The following SNTG1 variants were observed in gnomAD, a reference collection of about 807,000 sequenced individuals.
SNTG1 encodes the protein gamma-1-syntrophin.
Under a neutral mutation model 74.7 loss-of-function variants are expected in SNTG1, and 39 were observed. The observed-to-expected ratio is 0.52, with a 90% CI of 0.40 to 0.68. SNTG1 has a LOEUF of 0.68. SNTG1 is among the 30% of genes least tolerant of loss of function. The pLI, the probability that SNTG1 is intolerant of heterozygous loss-of-function variation, is 0.00. For synonymous variants in SNTG1, 254 were observed against 217.1 expected (o/e 1.17, Z -1.49); for missense variants, 685 against 609.5 (o/e 1.12, Z -1.30).
chr8:50,607,033 C>T (rs2094817821), intron 13 of SNTG1, among the ~76,000 whole-genome samples: 1 of 151,926 alleles, frequency 6.6e-6, no homozygotes, highest in East Asian at 1.9e-4. Flanking sequence ...CATTGATATG[C>T]AGATTTCTCT....
intron 3 of SNTG1, among the ~76,000 whole-genome samples, chr8:50,400,045 C>T (rs562288871): frequency 6.6e-6 from 1 of 152,090 alleles, no homozygotes; most frequent in African/African-American, 2.4e-5. Flanking sequence ...CATCAGCACA[C>T]GAGAACAAAA....
intron 12 of SNTG1, among the ~76,000 whole-genome samples, chr8:50,569,635 C>A (rs1041517704): frequency 3.3e-5 from 5 of 152,074 alleles, no homozygotes; most frequent in African/African-American, 1.2e-4. Flanking sequence ...GGAATAAAGA[C>A]TAACAGAAGG....
Position 50,350,955 on chromosome 8 carries a change from G to A in SNTG1, c.-27-43257G>A, listed in dbSNP as rs1197296989. On this transcript the variant is annotated intron_variant, in intron 2 of 18. Transcript: ENST00000642720. The stretch of plus-strand genomic sequence containing the variant: ...GTAGGTCCCCTTGGAGGCTGTGGAA[G>A]CTTTGTTCTTTCGCTCTTTGCAATA... 2.0e-5 allele frequency among the ~76,000 whole-genome samples: 3 copies of A among 152,208 alleles called. No homozygotes were observed. In the East Asian group the frequency reaches 5.8e-4, roughly 29 times the overall value.
chr8:50,201,493 A>G (rs891294304), intron 2 of SNTG1, among the ~76,000 whole-genome samples: 5 of 152,166 alleles, frequency 3.3e-5, no homozygotes, highest in African/African-American at 1.2e-4. Context: ...ACTAAAGTCC[A>G]TGGCACATTT....
At chr8:50,546,558 G>T (rs955491940) in intron 11 of SNTG1, among the ~76,000 whole-genome samples, 8 of 118,036 alleles carry the variant, frequency 6.8e-5, no homozygotes, top group African/African-American at 2.3e-4. Flanking sequence ...ACAGTCCCCA[G>T]TGTGTGATGT....
intron 2 of SNTG1, among the ~76,000 whole-genome samples, chr8:50,230,597 T>A (rs774091607): frequency 1.3e-5 from 2 of 151,356 alleles, no homozygotes; most frequent in East Asian, 1.9e-4. Context: ...TAGGACAAGA[T>A]CGTTTCATTT....
rs182067207 is a variant in SNTG1 at position 50,593,220 on chromosome 8, A to G, written c.849+2303A>G. Among the ~76,000 whole-genome samples the G allele has an allele frequency of 2.8e-4, 42 of 152,310 alleles. 2 individuals carry two copies. Among genetic ancestry groups the G allele is most frequent in the Admixed American group, 2.0e-4 (3 of 15,300 alleles). On this transcript the variant is annotated intron_variant, in intron 13 of 18. Transcript: ENST00000642720. ...TACCCTAACCAGAGAAATTAAAATG[A>G]AAGCAAAACATAGGGAGAAAGCCAC...
rs142711220 is a variant in SNTG1 at position 50,528,282 on chromosome 8, G to T, written c.467-1895G>T. Among the ~76,000 whole-genome samples, 275 of 152,020 alleles carry T rather than the reference G, an allele frequency of 1.8e-3. 4 individuals are homozygous for T. The highest frequency in any genetic ancestry group is 6.3e-3 in the African/African-American group (260 of 41,560). ...AGGGTATCGGATATAGGTTTTTAAAGATGTTCTTTATCAGATAGAGGAGCA... is the reference window on the plus strand; with the variant it reads ...AGGGTATCGGATATAGGTTTTTAAATATGTTCTTTATCAGATAGAGGAGCA... On this transcript the variant is annotated intron_variant, in intron 9 of 18. Transcript: ENST00000642720.
At chr8:50,260,680 C>T (rs78060699) in intron 2 of SNTG1, among the ~76,000 whole-genome samples, 2 of 145,312 alleles carry the variant, frequency 1.4e-5, no homozygotes, top group African/African-American at 5.1e-5. Flanking sequence ...GTGTTAAGAG[C>T]TAATGGAAAA....
At chr8:50,467,835 T>C (rs940152984) in intron 8 of SNTG1, among the ~76,000 whole-genome samples, 2 of 151,916 alleles carry the variant, frequency 1.3e-5, no homozygotes, top group Non-Finnish European at 2.9e-5. Context: ...AGATGTATTT[T>C]CACTTTTATT....
chr8:50,075,868 C>A (rs944373852), intron 1 of SNTG1, among the ~76,000 whole-genome samples: 3 of 152,060 alleles, frequency 2.0e-5, no homozygotes, highest in Non-Finnish European at 4.4e-5. Context: ...CAGGAACCCA[C>A]CAGAAGGAAG....
intron 2 of SNTG1, among the ~76,000 whole-genome samples, chr8:50,332,214 C>G (rs2090992046): frequency 6.6e-6 from 1 of 152,194 alleles, no homozygotes; most frequent in Non-Finnish European, 1.5e-5. Context: ...ACCACATAGT[C>G]TGTTTATGAC....
chr8:50,381,292 CAGAAA>C (rs1437635215), intron 2 of SNTG1, among the ~76,000 whole-genome samples: 3 of 151,080 alleles, frequency 2.0e-5, no homozygotes, highest in African/African-American at 7.3e-5. Context: ...TCCATGGATA[CAGAAA>C]AGAAGACATT....
At chr8:50,669,256 G>A (rs1037634395) in intron 15 of SNTG1, among the ~76,000 whole-genome samples, 1 of 151,820 alleles carries the variant, frequency 6.6e-6, no homozygotes, top group Admixed American at 6.6e-5. Flanking sequence ...TCCAGGAGAT[G>A]GTTTTTTCAA....
chr8:50,122,665 C>A (rs926344927), intron 1 of SNTG1, among the ~76,000 whole-genome samples: 3 of 141,616 alleles, frequency 2.1e-5, no homozygotes, highest in African/African-American at 7.7e-5. Flanking sequence ...CATAAGGAGG[C>A]ACTGTGACTT....
At chr8:50,713,361 C>T (rs2095467162) in intron 17 of SNTG1, among the ~76,000 whole-genome samples, 1 of 151,842 alleles carries the variant, frequency 6.6e-6, no homozygotes, top group Non-Finnish European at 1.5e-5. Flanking sequence ...TTGTTTTTTT[C>T]TCTCAAATTT....
chr8:49,914,523 A>G (rs1271252077), intron 1 of SNTG1, among the ~76,000 whole-genome samples: 1 of 152,138 alleles, frequency 6.6e-6, no homozygotes, highest in Non-Finnish European at 1.5e-5. Context: ...GAATCCATTC[A>G]ATTGCCTTCT....
chr8:50,480,381 A>G (rs1305657849), intron 8 of SNTG1, among the ~76,000 whole-genome samples: 2 of 152,136 alleles, frequency 1.3e-5, no homozygotes, highest in African/African-American at 2.4e-5. Flanking sequence ...CGATGACTTG[A>G]GATATCTCAA....
chr8:50,370,171 A>G lies in SNTG1; in HGVS notation c.-27-24041A>G, dbSNP rs114280175. Among the ~76,000 whole-genome samples the G allele has an allele frequency of 5.4e-3, 822 of 152,316 alleles. 11 individuals carry two copies. Among genetic ancestry groups the G allele is most frequent in the African/African-American group, 0.019 (788 of 41,560 alleles). On this transcript the variant is annotated intron_variant, in intron 2 of 18. Transcript: ENST00000642720. ...AGAAAATAAAAGGATGAGTTCAGGA[A>G]TTCAAATTCCAAGCTCAAGGGCTAC...
Sources: gnomAD v4.1 joint callset for allele counts (sites outside exome capture counted in the v4.1 genomes callset) on GRCh38, gnomAD v4.1.1 for gene constraint, MANE v1.5 for transcripts, NCBI Gene and HGNC (gene_info 2026-07-23, HGNC 2026-07-21) for gene names.